The following KIRREL3 variants were observed in gnomAD, a reference collection of about 807,000 sequenced individuals.
The protein encoded by KIRREL3 is kirre like nephrin family adhesion molecule 3.
A neutral mutation model predicts 89.7 loss-of-function variants in KIRREL3; 36 were observed. The ratio of observed to expected loss-of-function variants is 0.40; its 90% CI spans 0.31 to 0.53. The LOEUF (loss-of-function observed/expected upper bound fraction) is 0.53. KIRREL3 is among the 20% of genes least tolerant of loss of function. KIRREL3 has a pLI of 0.49. For missense variants in KIRREL3, 864 were observed against 1,056.6 expected, an observed-to-expected ratio of 0.82 and a Z score of 2.53; for synonymous variants, 445 against 441.4, an observed-to-expected ratio of 1.01 and a Z score of -0.10.
At chr11:126,589,810 C>T (rs1349627770) in intron 1 of KIRREL3, among the ~76,000 whole-genome samples, 3 of 152,276 alleles carry the variant, frequency 2.0e-5, no homozygotes, top group Middle Eastern at 3.4e-3. Flanking sequence ...CCCACTTTAT[C>T]CTGCCACCTC....
rs1591374971 is a variant in KIRREL3, at chr11:126,952,570, A to G, written c.55+47885T>C. On this transcript the variant is annotated intron_variant, in intron 1 of 16. Coordinates refer to ENST00000525144, the MANE Select transcript of KIRREL3 (RefSeq NM_032531.4). ...GATGATGGTTTCTTTTGCTATGCAG[A>G]AGCTCTTAACTTTAATTTGTCAGTT... is the stretch of plus-strand genomic sequence containing the variant. Among the ~76,000 whole-genome samples the G allele has an allele frequency of 2.0e-5, 3 of 152,292 alleles. No homozygotes were observed. The East Asian group carries it at 5.8e-4, about 29-fold the overall frequency.
intron 1 of KIRREL3, among the ~76,000 whole-genome samples, chr11:126,679,307 G>A (rs1946346420): frequency 6.6e-6 from 1 of 152,192 alleles, no homozygotes; most frequent in South Asian, 2.1e-4. Flanking sequence ...ATAGCCTTGT[G>A]GTTGAAGCCA....
Position 126,870,219 on chromosome 11 carries a change from C to T in KIRREL3, c.55+130236G>A, listed in dbSNP as rs1945063417. On this transcript the variant is annotated intron_variant, in intron 1 of 16. Coordinates refer to ENST00000525144, the MANE Select transcript of KIRREL3 (RefSeq NM_032531.4). The surrounding 1 kb of genome is among the most constrained non-coding windows in gnomAD (Gnocchi z 4.4). Reference sequence around the variant, plus strand: ...CGGTCTAAAGCCACATCCTGTCTGCCCCAGGCTCATATTCTGCCAGGGACC... The same window carrying T: ...CGGTCTAAAGCCACATCCTGTCTGCTCCAGGCTCATATTCTGCCAGGGACC... Among the ~76,000 whole-genome samples the T allele has an allele frequency of 6.6e-6, 1 of 152,180 alleles. No individual in the cohort carries two copies. Among genetic ancestry groups the T allele is most frequent in the Non-Finnish European group, 1.5e-5 (1 of 68,040 alleles).
intron 1 of KIRREL3, among the ~76,000 whole-genome samples, chr11:126,845,577 A>C (rs1009177386): frequency 6.6e-6 from 1 of 152,158 alleles, no homozygotes; most frequent in African/African-American, 2.4e-5. Context: ...AAAACTGGTC[A>C]GCCATGTCCT....
rs766715244 is a variant in KIRREL3, at chr11:126,768,556, C to G, written c.56-205644G>C. Among the ~76,000 whole-genome samples the G allele has an allele frequency of 1.3e-5, 2 of 152,182 alleles. No homozygotes were observed. Among genetic ancestry groups the G allele is most frequent in the Non-Finnish European group, 2.9e-5 (2 of 68,034 alleles). On this transcript the variant is annotated intron_variant, in intron 1 of 16. Transcript: ENST00000525144. This position sits in a 1 kb window ranked among gnomAD's most constrained non-coding sequence, Gnocchi z 4.5. Reference sequence around the variant, plus strand: ...CAGAAGTGCAAGGAAGAAAGAAAAACAGGGGCATGAGCTAGACAGGGACTG... The same window carrying G: ...CAGAAGTGCAAGGAAGAAAGAAAAAGAGGGGCATGAGCTAGACAGGGACTG...
intron 1 of KIRREL3, among the ~76,000 whole-genome samples, chr11:126,591,694 G>A (rs971353889): frequency 2.0e-5 from 3 of 152,184 alleles, no homozygotes; most frequent in Non-Finnish European, 4.4e-5. Flanking sequence ...GTGAGGAACA[G>A]GAGCACTATA....
intron 6 of KIRREL3, among the ~76,000 whole-genome samples, chr11:126,457,760 G>A (rs1006096364): frequency 1.3e-5 from 2 of 152,312 alleles, no homozygotes; most frequent in East Asian, 3.9e-4. Context: ...AGGCCACGGA[G>A]ACCCGGCACA....
intron 1 of KIRREL3, among the ~76,000 whole-genome samples, chr11:126,859,472 T>C (rs1160199321): frequency 1.3e-5 from 2 of 152,034 alleles, no homozygotes; most frequent in African/African-American, 2.4e-5. Flanking sequence ...GCAACTGAAC[T>C]GGACAATGGA....
At position 126,625,864 on chromosome 11, in the gene KIRREL3, G is replaced by A. The variant is rs552642405; in HGVS notation, c.56-62952C>T. On this transcript the variant is annotated intron_variant, in intron 1 of 16. Coordinates refer to ENST00000525144, the MANE Select transcript of KIRREL3 (RefSeq NM_032531.4). Reference sequence around the variant, plus strand: ...GTGGTCCTTTCTCTGAGACCCCACAGAACACTGCTTATCCCTTTATTACCC... The same window carrying A: ...GTGGTCCTTTCTCTGAGACCCCACAAAACACTGCTTATCCCTTTATTACCC... Among the ~76,000 whole-genome samples the A allele has an allele frequency of 3.3e-5, 5 of 152,294 alleles. 1 individual carries two copies. Among genetic ancestry groups the A allele is most frequent in the African/African-American group, 1.2e-4 (5 of 41,578 alleles).
chr11:126,464,358 A>G (rs1956647765), intron 5 of KIRREL3, among the ~76,000 whole-genome samples: 1 of 145,938 alleles, frequency 6.9e-6, no homozygotes, highest in Non-Finnish European at 1.5e-5. Flanking sequence ...AAAAAAAAAA[A>G]AAAAGAAAAA....
intron 1 of KIRREL3, among the ~76,000 whole-genome samples, chr11:126,963,228 C>T (rs1012715220): frequency 1.3e-5 from 2 of 151,964 alleles, no homozygotes; most frequent in African/African-American, 2.4e-5. Flanking sequence ...TGGAAGAGAT[C>T]TAGCCTTCTA....
At chr11:126,503,326 T>C (rs1433478747) in intron 4 of KIRREL3, among the ~76,000 whole-genome samples, 4 of 151,974 alleles carry the variant, frequency 2.6e-5, no homozygotes, top group Non-Finnish European at 5.9e-5. Flanking sequence ...GGCACTCGGG[T>C]AGGTACCCTG....
At chr11:126,878,874 C>T (rs1167986695) in intron 1 of KIRREL3, among the ~76,000 whole-genome samples, 1 of 152,064 alleles carries the variant, frequency 6.6e-6, no homozygotes, top group Non-Finnish European at 1.5e-5. Context: ...TGGACCTGGC[C>T]ACACTTCTAT....
At chr11:126,859,890 C>T (rs187001232) in intron 1 of KIRREL3, among the ~76,000 whole-genome samples, 1 of 152,304 alleles carries the variant, frequency 6.6e-6, no homozygotes, top group East Asian at 1.9e-4. Context: ...CAACATATCA[C>T]TCCTTCCTAC....
chr11:127,000,492 G>A lies in KIRREL3; in HGVS notation c.18C>T (p.Leu6=). Residue 6 remains leucine (L), a synonymous_variant, in exon 1 of 17, where the codon CTC becomes CTT. Coordinates refer to ENST00000525144, the MANE Select transcript of KIRREL3 (RefSeq NM_032531.4). The surrounding 1 kb of genome is among the most constrained non-coding windows in gnomAD (Gnocchi z 7.1). ...GGAAGAAGCAGACGAAGAGCAGATCGAGCTGGAAGGGTTTCATTCCTTAGC... is the reference window on the plus strand; with the variant it reads ...GGAAGAAGCAGACGAAGAGCAGATCAAGCTGGAAGGGTTTCATTCCTTAGC... MKPFQ[L]DLLFVCFFLF... The A allele has an allele frequency of 1.2e-6, 2 of 1,607,886 alleles. No individual in the cohort carries two copies. Among genetic ancestry groups the A allele is most frequent in the East Asian group, 4.5e-5 (2 of 44,580 alleles).
At position 126,604,240 on chromosome 11, in the gene KIRREL3, C is replaced by T. The variant is rs191932182; in HGVS notation, c.56-41328G>A. On this transcript the variant is annotated intron_variant, in intron 1 of 16. Transcript: ENST00000525144. ...TGTATTTCTGAACCGAAAACGAGGA[C>T]GCAGAGCTGACAGGGGTGAGTGTAC... is the stretch of plus-strand genomic sequence containing the variant. 1.4e-3 allele frequency among the ~76,000 whole-genome samples: 209 copies of T among 152,224 alleles called. 2 individuals are homozygous for T. Among genetic ancestry groups the T allele is most frequent in the African/African-American group, 4.1e-3 (169 of 41,546 alleles).
rs540628795 is a variant in KIRREL3, at chr11:126,802,154, C to T, written c.55+198301G>A. On this transcript the variant is annotated intron_variant, in intron 1 of 16. Transcript: ENST00000525144. This position sits in a 1 kb window ranked among gnomAD's most constrained non-coding sequence, Gnocchi z 5.2. ...TTTTAATGTCACAGGTTATGACTGTCGTTTACCAGGTGCCTTAACCATCTG... is the reference window on the plus strand; with the variant it reads ...TTTTAATGTCACAGGTTATGACTGTTGTTTACCAGGTGCCTTAACCATCTG... 1.1e-4 allele frequency among the ~76,000 whole-genome samples: 16 copies of T among 152,188 alleles called. No individual in the cohort carries two copies. The South Asian group carries it at 1.2e-3, about 12-fold the overall frequency.
chr11:126,505,741 A>C (rs997664949), intron 4 of KIRREL3, among the ~76,000 whole-genome samples: 7 of 152,236 alleles, frequency 4.6e-5, no homozygotes, highest in Non-Finnish European at 1.0e-4. Context: ...TTAGGGATAA[A>C]TTTATCAAAG....
At chr11:126,922,117 GTCTGTCTA>G (rs1432130113) in intron 1 of KIRREL3, among the ~76,000 whole-genome samples, 1,389 of 122,532 alleles carry the variant, frequency 0.011, 9 homozygotes, top group African/African-American at 0.014. Context: ...CTATCTATCT[GTCTGTCTA>G]TCTATCTATC....
Sources: gnomAD v4.1 joint callset for allele counts (sites outside exome capture counted in the v4.1 genomes callset) on GRCh38, gnomAD v4.1.1 for gene constraint, Gnocchi (gnomAD v3.1) non-coding constraint, MANE v1.5 for transcripts, NCBI Gene and HGNC (gene_info 2026-07-23, HGNC 2026-07-21) for gene names.